Variants in PPP2R2B observed in about 807,000 individuals in gnomAD.
PPP2R2B encodes serine/threonine-protein phosphatase 2A 55 kDa regulatory subunit B beta isoform.
In PPP2R2B, 5 loss-of-function variants were observed where a neutral mutation model predicts 46.0. That is an observed-to-expected ratio of 0.11 (90% CI 0.06 to 0.23). PPP2R2B has a LOEUF of 0.23. Among genes scored for constraint, PPP2R2B ranks in the 10% least tolerant of loss-of-function variants. The pLI, the probability that PPP2R2B is intolerant of heterozygous loss-of-function variation, is 1.00. For missense variants in PPP2R2B, 367 were observed against 575.0 expected (o/e 0.64, Z 3.70); for synonymous variants, 215 against 206.7 (o/e 1.04, Z -0.34).
At chr5:146,652,286 G>A (rs968635680) in intron 5 of PPP2R2B, among the ~76,000 whole-genome samples, 3 of 152,112 alleles carry the variant, frequency 2.0e-5, no homozygotes, top group Admixed American at 6.6e-5. Flanking sequence ...TCTCACTATC[G>A]CAAAGGGTGG....
intron 1 of PPP2R2B, among the ~76,000 whole-genome samples, chr5:147,047,849 T>A (rs183894818): frequency 4.3e-4 from 65 of 152,134 alleles, no homozygotes; most frequent in Non-Finnish European, 7.1e-4. Context: ...CTGCCAGATA[T>A]CAGAAGCCTT....
In PPP2R2B at chr5:146,866,313, G is replaced by A. The variant is rs188100699; in HGVS notation, c.70+11689C>T. On this transcript the variant is annotated intron_variant, in intron 2 of 9. Coordinates refer to ENST00000394411, the MANE Select transcript of PPP2R2B (RefSeq NM_181675.4). The stretch of plus-strand genomic sequence containing the variant: ...GTACAGAAAAATTATTGTATTGTAC[G>A]TCAGTTTGCTCTTAATAACATATAT... Among the ~76,000 whole-genome samples, 819 of 152,216 alleles carry A rather than the reference G, an allele frequency of 5.4e-3. 5 individuals carry two copies. Among genetic ancestry groups the A allele is most frequent in the African/African-American group, 0.018 (758 of 41,544 alleles).
Position 147,036,717 on chromosome 5 carries a change from G to A in PPP2R2B, c.79+18948C>T, listed in dbSNP as rs184483700. Among the ~76,000 whole-genome samples, 5 of 152,292 alleles carry A rather than the reference G, an allele frequency of 3.3e-5. No homozygotes were observed. The East Asian group carries it at 9.6e-4, about 29-fold the overall frequency. On this transcript the variant is annotated intron_variant, in intron 1 of 8. Coordinates refer to the PPP2R2B transcript ENST00000336640. ...TTTTAATAATAGCCATTCTGACTGT[G>A]AGATGGTATTTCATTGTGGTTTTGA... is the stretch of plus-strand genomic sequence containing the variant.
At chr5:146,595,709 G>A (rs575946062) in intron 8 of PPP2R2B, among the ~76,000 whole-genome samples, 72 of 152,278 alleles carry the variant, frequency 4.7e-4, no homozygotes, top group African/African-American at 1.6e-3. Flanking sequence ...GCAAACCAGA[G>A]GGACCTTTTT....
At chr5:146,782,572 A>G (rs769590603) in intron 2 of PPP2R2B, among the ~76,000 whole-genome samples, 6 of 152,124 alleles carry the variant, frequency 3.9e-5, no homozygotes, top group Non-Finnish European at 8.8e-5. Context: ...CTCTCTCTTG[A>G]TTTTTAATTC....
Position 146,589,019 on chromosome 5 carries a change from ACTT to A in PPP2R2B, c.*925_*927del. 6.6e-6 allele frequency: 1 copy of A among 152,228 alleles called. No individual in the cohort carries two copies. The highest frequency in any genetic ancestry group is 1.9e-4 in the East Asian group (1 of 5,192). The allele number at this position is 152,228 out of a possible 1,614,324, so 9.4% of individuals were successfully genotyped here. A position where few individuals can be genotyped will look rare whatever the true frequency, so the allele number is the denominator to read the frequency against. On this transcript the variant is annotated 3_prime_UTR_variant, in exon 10 of 10. Coordinates refer to ENST00000394411, the MANE Select transcript of PPP2R2B (RefSeq NM_181675.4). ...CTCAGGGGTGGTGGCACTGCTTCCAACTTACTGCTTCATTTAGAACACCAGATA... is the reference window on the plus strand; with the variant it reads ...CTCAGGGGTGGTGGCACTGCTTCCAAACTGCTTCATTTAGAACACCAGATA...
chr5:146,974,165 A>G (rs1024869807), intron 1 of PPP2R2B, among the ~76,000 whole-genome samples: 4 of 152,234 alleles, frequency 2.6e-5, no homozygotes, highest in Non-Finnish European at 4.4e-5. Flanking sequence ...AATAATGCAT[A>G]TTTTAAAAGA....
intron 5 of PPP2R2B, among the ~76,000 whole-genome samples, chr5:146,667,326 GCGCGCGCACACACACACACACACACACA>G (rs1561816199): frequency 2.4e-3 from 121 of 50,704 alleles, no homozygotes; most frequent in Non-Finnish European, 4.7e-3. Context: ...GAATAGGCGT[GCGCGCGCACACACACACACACACACACA>G]CACACACACA....
chr5:146,901,557 A>G (rs1294744857), intron 1 of PPP2R2B, among the ~76,000 whole-genome samples: 1 of 152,024 alleles, frequency 6.6e-6, no homozygotes, highest in Non-Finnish European at 1.5e-5. Flanking sequence ...TGCTATTTCA[A>G]CCTATCTGTT....
In PPP2R2B at chr5:146,590,026, G is replaced by T. The variant is rs1293709733; in HGVS notation, c.1253C>A (p.Thr418Lys). Reference sequence around the variant, plus strand: ...AATATTTTCTGAAGGATGCCAAGCTGTATGCAAGATCTTTTTGCTAAAGTC... The same window carrying T: ...AATATTTTCTGAAGGATGCCAAGCTTTATGCAAGATCTTTTTGCTAAAGTC... ...SLDFSKKILH[T>K]AWHPSENIIA... The change falls in exon 10 of 10, where the codon ACA (threonine) becomes AAA (lysine). Residue 418 changes from threonine (T) to lysine (K), a missense_variant. Around this residue, in one of 2 missense-constraint regions of PPP2R2B, gnomAD observed 361 missense variants for 545.5 expected, o/e 0.66. Coordinates refer to ENST00000394411, the MANE Select transcript of PPP2R2B (RefSeq NM_181675.4). 1.2e-6 allele frequency: 2 copies of T among 1,614,180 alleles called. No homozygotes were observed. Among genetic ancestry groups the T allele is most frequent in the Non-Finnish European group, 1.7e-6 (2 of 1,180,016 alleles).
chr5:146,592,718 A>AAGAT (rs1440592338), intron 9 of PPP2R2B, among the ~76,000 whole-genome samples: 2 of 152,186 alleles, frequency 1.3e-5, no homozygotes, highest in African/African-American at 4.8e-5. Flanking sequence ...TTGTGTGAAA[A>AAGAT]AGATAGGACT....
In PPP2R2B at chr5:146,581,930, C is replaced by G. The variant is rs1171170367; in HGVS notation, c.*8017G>C. ...ATAAGAAAGCCACACTGGAGGAAGT[C>G]AAGTTTATCTTATTGGAGTGAATTG... On this transcript the variant is annotated 3_prime_UTR_variant, in exon 10 of 10. Transcript: ENST00000394411. 1.3e-5 allele frequency: 2 copies of G among 152,168 alleles called. No individual in the cohort carries two copies. The highest frequency in any genetic ancestry group is 1.3e-4 in the Admixed American group (2 of 15,274). 9.4% of individuals were successfully genotyped at this position (152,168 alleles called of 1,614,324 possible).
rs148294461 is a variant in PPP2R2B, at chr5:146,635,891, C to T, written c.790+2360G>A. On this transcript the variant is annotated intron_variant, in intron 7 of 9. Transcript: ENST00000394411. Reference sequence around the variant, plus strand: ...TTATCCTCAAGGCATTTACTATCTACAGGGGAATGACATTGAACAATTCAT... The same window carrying T: ...TTATCCTCAAGGCATTTACTATCTATAGGGGAATGACATTGAACAATTCAT... Among the ~76,000 whole-genome samples the T allele has an allele frequency of 7.7e-3, 1,174 of 152,340 alleles. 12 individuals carry two copies. Among genetic ancestry groups the T allele is most frequent in the South Asian group, 0.044 (211 of 4,828 alleles).
At chr5:146,781,137 T>TATATATATAC (rs1755491282) in intron 2 of PPP2R2B, among the ~76,000 whole-genome samples, 1 of 42,602 alleles carries the variant, frequency 2.3e-5, no homozygotes, top group Non-Finnish European at 4.3e-5. Context: ...CCATGATATA[T>TATATATATAC]ATATATATAT....
chr5:146,778,151 T>C (rs994082291), intron 2 of PPP2R2B, among the ~76,000 whole-genome samples: 14 of 152,332 alleles, frequency 9.2e-5, no homozygotes, highest in Admixed American at 2.0e-4. Context: ...CCGGCATTCC[T>C]GATAAAAATT....
chr5:147,009,082 T>G (rs1754590789), intron 1 of PPP2R2B, among the ~76,000 whole-genome samples: 2 of 152,156 alleles, frequency 1.3e-5, no homozygotes, highest in African/African-American at 4.8e-5. Context: ...TAGAAAAAAC[T>G]GGCCATGTGC....
intron 2 of PPP2R2B, among the ~76,000 whole-genome samples, chr5:146,831,474 G>C (rs1758928929): frequency 7.0e-6 from 1 of 141,860 alleles, no homozygotes; most frequent in African/African-American, 2.7e-5. Flanking sequence ...TCCAGCCTGG[G>C]GGATAGAATG....
At chr5:146,678,339 A>G (rs1035394121) in intron 5 of PPP2R2B, among the ~76,000 whole-genome samples, 1 of 149,296 alleles carries the variant, frequency 6.7e-6, no homozygotes, top group African/African-American at 2.6e-5. Context: ...ACAAAATTCA[A>G]CAACACTTCA....
At chr5:146,844,964 T>TCTAAGGG (rs1336938004) in intron 2 of PPP2R2B, among the ~76,000 whole-genome samples, 1 of 152,124 alleles carries the variant, frequency 6.6e-6, no homozygotes, top group African/African-American at 2.4e-5. Flanking sequence ...AGAATAACAT[T>TCTAAGGG]CCAACTCCAT....
Sources: allele counts gnomAD v4.1 joint callset (sites outside exome capture counted in the v4.1 genomes callset), GRCh38; gene constraint gnomAD v4.1.1; regional missense constraint gnomAD v4.1.1; transcripts MANE v1.5; gene names NCBI Gene and HGNC (gene_info 2026-07-23, HGNC 2026-07-21).